Variants in TSHZ1 observed in about 807,000 individuals in gnomAD.
The protein encoded by TSHZ1 is teashirt zinc finger homeobox 1, also known as teashirt homolog 1.
In TSHZ1, 12 loss-of-function variants were observed where a neutral mutation model predicts 67.1. The ratio of observed to expected loss-of-function variants is 0.18; its 90% CI spans 0.11 to 0.29. The LOEUF is 0.29. Ranked by LOEUF, TSHZ1 falls within the 10% of genes least tolerant of loss-of-function variation. The pLI, the probability that TSHZ1 is intolerant of heterozygous loss-of-function variation, is 1.00. For synonymous variants in TSHZ1, 632 were observed against 622.4 expected (o/e 1.02, Z -0.23); for missense variants, 1,305 against 1,413.9 (o/e 0.92, Z 1.23).
intron 1 of TSHZ1, among the ~76,000 whole-genome samples, chr18:75,218,639 G>T (rs971367649): frequency 6.6e-6 from 1 of 152,206 alleles, no homozygotes; most frequent in Non-Finnish European, 1.5e-5. Flanking sequence ...CCTGTACACT[G>T]TGGGGGCCGG....
At chr18:75,215,285 CG>C (rs2022751689) in intron 1 of TSHZ1, among the ~76,000 whole-genome samples, 1 of 152,114 alleles carries the variant, frequency 6.6e-6, no homozygotes, top group African/African-American at 2.4e-5. Flanking sequence ...GGGAGCACAC[CG>C]GGCCGTCTCC....
chr18:75,226,240 TCAG>T (rs560574292), intron 1 of TSHZ1, among the ~76,000 whole-genome samples: 61 of 152,354 alleles, frequency 4.0e-4, no homozygotes, highest in Non-Finnish European at 7.1e-4. Flanking sequence ...CCTCACACAG[TCAG>T]TAGATAGTCT....
At chr18:75,272,308 G>A (rs974545119) in intron 1 of TSHZ1, among the ~76,000 whole-genome samples, 20 of 152,280 alleles carry the variant, frequency 1.3e-4, no homozygotes, top group Admixed American at 4.6e-4. Context: ...AGCTAATAAC[G>A]TGCTCTTTTC....
At chr18:75,236,934 A>G (rs573315843) in intron 1 of TSHZ1, among the ~76,000 whole-genome samples, 1 of 152,240 alleles carries the variant, frequency 6.6e-6, no homozygotes, top group Admixed American at 6.5e-5. Flanking sequence ...GACCTCTCAA[A>G]CCATCCGTAA....
intron 1 of TSHZ1, among the ~76,000 whole-genome samples, chr18:75,278,420 C>T (rs2023641836): frequency 6.6e-6 from 1 of 152,224 alleles, no homozygotes; most frequent in South Asian, 2.1e-4. Context: ...TTTCTCCTAT[C>T]TCAGGCTTTG....
intron 1 of TSHZ1, among the ~76,000 whole-genome samples, chr18:75,242,762 T>C (rs992288834): frequency 6.6e-6 from 1 of 152,166 alleles, no homozygotes; most frequent in Non-Finnish European, 1.5e-5. Context: ...GAGGGTTGGG[T>C]GAAGGGTACT....
chr18:75,236,615 G>T (rs1306560897), intron 1 of TSHZ1, among the ~76,000 whole-genome samples: 1 of 152,096 alleles, frequency 6.6e-6, no homozygotes. Context: ...TAAACTCCAT[G>T]GGGACAGGGG....
chr18:75,222,148 G>A (rs1008924136), intron 1 of TSHZ1, among the ~76,000 whole-genome samples: 3 of 151,968 alleles, frequency 2.0e-5, no homozygotes, highest in Admixed American at 6.6e-5. Context: ...GTGTAGCGGC[G>A]TGGCTTGTGT....
intron 1 of TSHZ1, among the ~76,000 whole-genome samples, chr18:75,259,428 A>G (rs954468255): frequency 6.6e-6 from 1 of 152,186 alleles, no homozygotes; most frequent in African/African-American, 2.4e-5. Context: ...GAGTAGTGTG[A>G]TGAAATCTTG....
At position 75,245,106 on chromosome 18, in the gene TSHZ1, A is replaced by G. The variant is rs577786549; in HGVS notation, c.40+33190A>G. 8 of 152,318 alleles carry G rather than the reference A, an allele frequency of 5.3e-5. No homozygotes were observed. The East Asian group carries it at 1.5e-3, about 29-fold the overall frequency. The allele number at this position is 152,318 out of a possible 1,614,324, so 9.4% of individuals were successfully genotyped here. ...CCCTATTAGATTTTCCTTCCATTAAATGCCTGCTACAGACTTCTAGTGGAT... is the reference window on the plus strand; with the variant it reads ...CCCTATTAGATTTTCCTTCCATTAAGTGCCTGCTACAGACTTCTAGTGGAT... On this transcript the variant is annotated intron_variant, in intron 1 of 1. Coordinates refer to ENST00000580243, the MANE Select transcript of TSHZ1 (RefSeq NM_001308210.2).
chr18:75,219,276 T>C (rs116456471), intron 1 of TSHZ1, among the ~76,000 whole-genome samples: 3,980 of 152,274 alleles, frequency 0.026, 178 homozygotes, highest in African/African-American at 0.089. Flanking sequence ...ACAGGTAATT[T>C]TTTAAGTTTT....
In TSHZ1 at chr18:75,229,055, G is replaced by T. The variant is rs2022962045; in HGVS notation, c.40+17139G>T. On this transcript the variant is annotated intron_variant, in intron 1 of 1. Coordinates refer to ENST00000580243, the MANE Select transcript of TSHZ1 (RefSeq NM_001308210.2). ...TTTGTTGCATATGGTGGATAGAGGA[G>T]CTCTCAAAGTGAGTGAGGGGTTGGC... is the stretch of plus-strand genomic sequence containing the variant. 3.3e-5 allele frequency among the ~76,000 whole-genome samples: 5 copies of T among 152,272 alleles called. No individual in the cohort carries two copies. The South Asian group carries it at 1.0e-3, about 31-fold the overall frequency.
rs1219854302 is a variant in TSHZ1, at chr18:75,288,365, A to C, written c.2958A>C (p.Ile986=). ...ASQFRTASTY[I]SHLETHLGFS... ...AGTTCAGAACTGCTTCTACATACAT[A>C]AGTCATTTGGAGACACACTTGGGCT... Residue 986 remains isoleucine (I), a synonymous_variant, in exon 2 of 2, where the codon ATA becomes ATC. Coordinates refer to ENST00000580243, the MANE Select transcript of TSHZ1 (RefSeq NM_001308210.2). This position sits in a 1 kb window ranked among gnomAD's most constrained non-coding sequence, Gnocchi z 4.9. 6.2e-7 allele frequency: 1 copy of C among 1,614,048 alleles called. No individual in the cohort carries two copies. Among genetic ancestry groups the C allele is most frequent in the African/African-American group, 1.3e-5 (1 of 74,926 alleles).
chr18:75,243,896 G>A (rs774125839), intron 1 of TSHZ1, among the ~76,000 whole-genome samples: 5 of 152,118 alleles, frequency 3.3e-5, no homozygotes, highest in Non-Finnish European at 5.9e-5. Flanking sequence ...CAACATGTAC[G>A]TCCTGAAGGA....
rs1014071989 is a variant in TSHZ1 at position 75,281,899 on chromosome 18, A to C, written c.41-3549A>C. 5.3e-5 allele frequency among the ~76,000 whole-genome samples: 8 copies of C among 151,900 alleles called. No individual in the cohort carries two copies. Among genetic ancestry groups the C allele is most frequent in the African/African-American group, 1.7e-4 (7 of 41,346 alleles). ...CCACACGGGGCTCCCTGCCTTCCAA[A>C]AGTGTCCCTCACCTACCCGGTCAGA... On this transcript the variant is annotated intron_variant, in intron 1 of 1. Coordinates refer to ENST00000580243, the MANE Select transcript of TSHZ1 (RefSeq NM_001308210.2). The surrounding 1 kb of genome is among the most constrained non-coding windows in gnomAD (Gnocchi z 5.3).
chr18:75,275,179 A>T (rs1384658656), intron 1 of TSHZ1, among the ~76,000 whole-genome samples: 1 of 152,200 alleles, frequency 6.6e-6, no homozygotes, highest in East Asian at 1.9e-4. Context: ...TGTTTATGGG[A>T]ATAAGCTACT....
chr18:75,279,673 A>C (rs2023661578), intron 1 of TSHZ1, among the ~76,000 whole-genome samples: 2 of 152,246 alleles, frequency 1.3e-5, no homozygotes, highest in South Asian at 4.1e-4. Context: ...GAGCTCACTC[A>C]TGTTCTCAAC....
At chr18:75,272,824 C>T (rs528010297) in intron 1 of TSHZ1, among the ~76,000 whole-genome samples, 2 of 152,180 alleles carry the variant, frequency 1.3e-5, no homozygotes, top group South Asian at 2.1e-4. Flanking sequence ...AGTATTTCTA[C>T]CTTTCTCCTA....
In TSHZ1 at chr18:75,211,717, C is replaced by A; in HGVS notation, c.-160C>A. The A allele has an allele frequency of 4.3e-6, 1 of 232,430 alleles. No individual in the cohort carries two copies. The highest frequency in any genetic ancestry group is 6.9e-6 in the Non-Finnish European group (1 of 145,530). 14.4% of individuals were successfully genotyped at this position (232,430 alleles called of 1,614,324 possible). A position where few individuals can be genotyped will look rare whatever the true frequency, so the allele number is the denominator to read the frequency against. On this transcript the variant is annotated 5_prime_UTR_variant, in exon 1 of 2. Transcript: ENST00000580243. ...CCCCGGGCGCGGCGGTCCATGCGAG[C>A]GGCTCCCCGCGGTCCGCGGCGCGCC...
Sources: allele counts gnomAD v4.1 joint callset (sites outside exome capture counted in the v4.1 genomes callset), GRCh38; gene constraint gnomAD v4.1.1; non-coding constraint Gnocchi (gnomAD v3.1); transcripts MANE v1.5; gene names NCBI Gene and HGNC (gene_info 2026-07-23, HGNC 2026-07-21).